The following ATP6V1H variants were observed in gnomAD, a reference collection of about 807,000 sequenced individuals.
The protein encoded by ATP6V1H is ATPase H+ transporting V1 subunit H.
A neutral mutation model predicts 71.7 loss-of-function variants in ATP6V1H; 39 were observed. That is an observed-to-expected ratio of 0.54 (90% CI 0.42 to 0.71). ATP6V1H has a LOEUF of 0.71. ATP6V1H is among the 30% of genes least tolerant of loss of function. ATP6V1H has a pLI of 0.00. For synonymous variants in ATP6V1H, 192 were observed against 199.3 expected, an observed-to-expected ratio of 0.96 and a Z score of 0.31; for missense variants, 509 against 594.9, an observed-to-expected ratio of 0.86 and a Z score of 1.50.
intron 8 of ATP6V1H, among the ~76,000 whole-genome samples, chr8:53,798,517 A>C (rs2130425232): frequency 6.6e-6 from 1 of 151,992 alleles, no homozygotes; most frequent in South Asian, 2.1e-4. Context: ...TGTCTCAGAA[A>C]GGAAAAAAAA....
At chr8:53,772,903 CAAAAAAAA>C (rs201949406) in intron 9 of ATP6V1H, among the ~76,000 whole-genome samples, 3 of 59,410 alleles carry the variant, frequency 5.0e-5, no homozygotes, top group African/African-American at 1.9e-4. Flanking sequence ...CTATCAAATG[CAAAAAAAA>C]AAAAAAAAAA....
chr8:53,828,129 A>T (rs1810882106), intron 4 of ATP6V1H, among the ~76,000 whole-genome samples: 1 of 152,212 alleles, frequency 6.6e-6, no homozygotes, highest in Non-Finnish European at 1.5e-5. Context: ...TCTACCCAAC[A>T]ATGGGATTGC....
chr8:53,732,533 T>C (rs1807058219), intron 13 of ATP6V1H, among the ~76,000 whole-genome samples: 1 of 152,004 alleles, frequency 6.6e-6, no homozygotes, highest in Non-Finnish European at 1.5e-5. Flanking sequence ...CAATTGGCCA[T>C]GTATTTCAGG....
rs1178347318 is a variant in ATP6V1H at position 53,715,813 on chromosome 8, T to TTTG, written c.*148_*150dup. On this transcript the variant is annotated 3_prime_UTR_variant, in exon 14 of 14. Transcript: ENST00000359530. ...ACAACTTAACAGGCAAACATGTTATTTTGTTGTTGTTGTTTGGAAATTAGC... is the reference window on the plus strand; with the variant it reads ...ACAACTTAACAGGCAAACATGTTATTTTGTTGTTGTTGTTGTTTGGAAATTAGC... 5.2e-6 allele frequency: 3 copies of TTTG among 573,376 alleles called. No individual in the cohort carries two copies. Among genetic ancestry groups the TTTG allele is most frequent in the Non-Finnish European group, 8.9e-6 (3 of 336,492 alleles). The allele number at this position is 573,376 out of a possible 1,614,324, so 35.5% of individuals were successfully genotyped here.
At chr8:53,776,045 G>A (rs1011549326) in intron 9 of ATP6V1H, among the ~76,000 whole-genome samples, 34 of 152,218 alleles carry the variant, frequency 2.2e-4, no homozygotes, top group African/African-American at 7.5e-4. Flanking sequence ...CCTGCCCCGC[G>A]GGAAGGCAGC....
chr8:53,736,809 C>G (rs575077789), intron 13 of ATP6V1H, among the ~76,000 whole-genome samples: 2 of 152,160 alleles, frequency 1.3e-5, no homozygotes, highest in East Asian at 3.9e-4. Flanking sequence ...TGTCTCATAC[C>G]TCAGAAAAAG....
intron 7 of ATP6V1H, among the ~76,000 whole-genome samples, chr8:53,805,059 T>C (rs1013294855): frequency 6.6e-5 from 10 of 152,086 alleles, no homozygotes; most frequent in Non-Finnish European, 1.3e-4. Context: ...AAACGAAACA[T>C]AAAAACATCA....
chr8:53,779,606 T>C (rs988418500), intron 9 of ATP6V1H, among the ~76,000 whole-genome samples: 16 of 151,742 alleles, frequency 1.1e-4, no homozygotes, highest in Non-Finnish European at 8.8e-5. Context: ...ACACCTGTTA[T>C]TTCTTTCTAA....
At chr8:53,720,485 C>T (rs1033001204) in intron 13 of ATP6V1H, among the ~76,000 whole-genome samples, 4 of 152,190 alleles carry the variant, frequency 2.6e-5, no homozygotes, top group African/African-American at 9.6e-5. Flanking sequence ...CTGCTAGGAG[C>T]TAGGGCACCA....
At chr8:53,765,159 T>A (rs1808406208) in intron 11 of ATP6V1H, among the ~76,000 whole-genome samples, 1 of 151,824 alleles carries the variant, frequency 6.6e-6, no homozygotes, top group Non-Finnish European at 1.5e-5. Flanking sequence ...ATCCCAGGAC[T>A]TTGGGAGGCT....
intron 13 of ATP6V1H, among the ~76,000 whole-genome samples, chr8:53,730,357 A>G (rs1806975590): frequency 6.6e-6 from 1 of 152,234 alleles, no homozygotes; most frequent in African/African-American, 2.4e-5. Context: ...AGATATTCTC[A>G]CTAGCAGTAT....
At chr8:53,795,324 A>G (rs1369061043) in intron 9 of ATP6V1H, among the ~76,000 whole-genome samples, 4 of 152,216 alleles carry the variant, frequency 2.6e-5, no homozygotes, top group East Asian at 1.9e-4. Flanking sequence ...TACATGCTCC[A>G]TAAGAGAGAA....
In ATP6V1H at chr8:53,717,120, T is replaced by C. The variant is rs1806451797; in HGVS notation, c.1392-1096A>G. Among the ~76,000 whole-genome samples the C allele has an allele frequency of 2.0e-5, 3 of 152,274 alleles. No individual in the cohort carries two copies. In the South Asian group the frequency reaches 6.2e-4, roughly 32 times the overall value. Reference sequence around the variant, plus strand: ...GTGTGAGCATCGCCAAGAAACCACCTTTGGGGGCCACCGATGTACACAGGT... The same window carrying C: ...GTGTGAGCATCGCCAAGAAACCACCCTTGGGGGCCACCGATGTACACAGGT... On this transcript the variant is annotated intron_variant, in intron 13 of 13. Transcript: ENST00000359530.
At chr8:53,750,144 T>A (rs981491107) in intron 12 of ATP6V1H, among the ~76,000 whole-genome samples, 3 of 152,244 alleles carry the variant, frequency 2.0e-5, no homozygotes, top group African/African-American at 7.2e-5. Flanking sequence ...GTTTTATTTT[T>A]GTGTCATTGC....
chr8:53,842,209 A>C (rs1181648741), intron 1 of ATP6V1H, among the ~76,000 whole-genome samples: 1 of 152,268 alleles, frequency 6.6e-6, no homozygotes, highest in African/African-American at 2.4e-5. Flanking sequence ...TAAAATACAC[A>C]AAGTGGGAAC....
chr8:53,748,330 T>A (rs1338068296), intron 12 of ATP6V1H, among the ~76,000 whole-genome samples: 3 of 152,118 alleles, frequency 2.0e-5, no homozygotes, highest in Non-Finnish European at 4.4e-5. Context: ...GCTGAAAAGG[T>A]GGTGTAAATG....
intron 11 of ATP6V1H, among the ~76,000 whole-genome samples, chr8:53,767,224 G>T (rs1808502273): frequency 6.6e-6 from 1 of 152,172 alleles, no homozygotes; most frequent in Non-Finnish European, 1.5e-5. Context: ...ATGAATTTTA[G>T]TTAATAATAA....
At chr8:53,801,973 A>G (rs569479143) in intron 7 of ATP6V1H, 77 bp from the exon 8 acceptor site, 5 of 1,303,596 alleles carry the variant, frequency 3.8e-6, no homozygotes, top group Admixed American at 4.3e-5. Flanking sequence ...TTCTAAATGA[A>G]AAGTCAGATT....
At chr8:53,755,744 A>ATTT (rs71254921) in intron 12 of ATP6V1H, among the ~76,000 whole-genome samples, 1 of 4,100 alleles carries the variant, frequency 2.4e-4, no homozygotes, top group Non-Finnish European at 4.1e-4. Flanking sequence ...ATATATATAT[A>ATTT]TTTTTTTTTT....
Sources: gnomAD v4.1 joint callset for allele counts (sites outside exome capture counted in the v4.1 genomes callset) on GRCh38, gnomAD v4.1.1 for gene constraint, MANE v1.5 for transcripts, NCBI Gene and HGNC (gene_info 2026-07-23, HGNC 2026-07-21) for gene names.